Variants in DLGAP1 observed in about 807,000 individuals in gnomAD.
DLGAP1 encodes DLG associated protein 1, also known as disks large-associated protein 1.
DLGAP1 carries 11 observed loss-of-function variants against 90.8 expected under a neutral mutation model. That is an observed-to-expected ratio of 0.12 (90% CI 0.08 to 0.20). DLGAP1 has a LOEUF of 0.20. Ranked by LOEUF, DLGAP1 falls within the 10% of genes least tolerant of loss-of-function variation. The pLI is 1.00. For synonymous variants in DLGAP1, 558 were observed against 540.7 expected (o/e 1.03, Z -0.44); for missense variants, 1,050 against 1,333.8 (o/e 0.79, Z 3.31).
chr18:4,094,599 TTCTC>T (rs927082433), intron 2 of DLGAP1, among the ~76,000 whole-genome samples: 14 of 144,626 alleles, frequency 9.7e-5, no homozygotes, highest in Non-Finnish European at 1.7e-4. Context: ...CTTCCTTCCT[TTCTC>T]TTTCTTTTTT....
chr18:4,103,577 T>A (rs183462556), intron 2 of DLGAP1, among the ~76,000 whole-genome samples: 1 of 152,280 alleles, frequency 6.6e-6, no homozygotes, highest in African/African-American at 2.4e-5. Flanking sequence ...TTTTCTCCTG[T>A]CACCCCACTA....
chr18:4,394,478 A>C (rs2082400407), intron 1 of DLGAP1, among the ~76,000 whole-genome samples: 1 of 152,208 alleles, frequency 6.6e-6, no homozygotes, highest in South Asian at 2.1e-4. Flanking sequence ...TAACATAAAA[A>C]TCCAGAAAAA....
At chr18:4,253,469 GGCACAATCTCT>G (rs1211154488) in intron 1 of DLGAP1, among the ~76,000 whole-genome samples, 1 of 152,106 alleles carries the variant, frequency 6.6e-6, no homozygotes, top group Non-Finnish European at 1.5e-5. Flanking sequence ...GGAGTGCAGT[GGCACAATCTCT>G]GCTCACTGCA....
intron 7 of DLGAP1, among the ~76,000 whole-genome samples, chr18:3,646,791 G>A (rs1046235614): frequency 8.5e-5 from 13 of 152,178 alleles, no homozygotes; most frequent in South Asian, 2.1e-4. Context: ...CGGGCGTGGT[G>A]GTGGGCGCCT....
At chr18:3,597,721 C>T (rs2056663295) in intron 7 of DLGAP1, 1 of 159,148 alleles carries the variant, frequency 6.3e-6, no homozygotes, top group Non-Finnish European at 1.4e-5. Context: ...CCGGCTCAAA[C>T]CTCCAAACCT....
intron 2 of DLGAP1, among the ~76,000 whole-genome samples, chr18:4,062,796 T>G (rs1392884190): frequency 6.6e-6 from 1 of 152,052 alleles, no homozygotes; most frequent in Non-Finnish European, 1.5e-5. Context: ...TCCCATCAAT[T>G]GTTTTAACTT....
At chr18:3,989,109 G>A (rs1057441253) in intron 3 of DLGAP1, among the ~76,000 whole-genome samples, 8 of 152,230 alleles carry the variant, frequency 5.3e-5, no homozygotes, top group African/African-American at 1.9e-4. Flanking sequence ...CGGTCCCTAT[G>A]CTCCTGGAGG....
At chr18:3,709,126 T>G (rs1348207249) in intron 7 of DLGAP1, among the ~76,000 whole-genome samples, 1 of 152,208 alleles carries the variant, frequency 6.6e-6, no homozygotes, top group Non-Finnish European at 1.5e-5. Context: ...AAAGTGCTCC[T>G]ATAAATATAC....
chr18:4,158,333 C>CA (rs2076790296), intron 1 of DLGAP1, among the ~76,000 whole-genome samples: 1 of 151,990 alleles, frequency 6.6e-6, no homozygotes, highest in Admixed American at 6.6e-5. Flanking sequence ...TAGAAAAAGT[C>CA]AAGAGGGGAA....
intron 3 of DLGAP1, among the ~76,000 whole-genome samples, chr18:3,889,590 T>C (rs994297465): frequency 2.0e-5 from 3 of 152,160 alleles, no homozygotes; most frequent in African/African-American, 7.2e-5. Context: ...TGACACCTGC[T>C]TTTGGGAATT....
At chr18:3,509,443 G>A (rs2050416486) in intron 10 of DLGAP1, among the ~76,000 whole-genome samples, 1 of 152,188 alleles carries the variant, frequency 6.6e-6, no homozygotes, top group Non-Finnish European at 1.5e-5. Flanking sequence ...TGCTCAGACC[G>A]AGCGGAGCTG....
chr18:4,180,636 A>C (rs1185231191), intron 1 of DLGAP1, among the ~76,000 whole-genome samples: 1 of 152,214 alleles, frequency 6.6e-6, no homozygotes, highest in Non-Finnish European at 1.5e-5. Flanking sequence ...TAGTACAAAG[A>C]ATATGCATAC....
chr18:3,990,389 A>G (rs920575784), intron 3 of DLGAP1, among the ~76,000 whole-genome samples: 4 of 151,560 alleles, frequency 2.6e-5, no homozygotes, highest in African/African-American at 7.3e-5. Context: ...AAGGACAAAA[A>G]AACCAAACAC....
chr18:3,821,258 C>G (rs149583835), intron 4 of DLGAP1, among the ~76,000 whole-genome samples: 1 of 141,980 alleles, frequency 7.0e-6, no homozygotes, highest in African/African-American at 2.6e-5. Context: ...CCACCACTCT[C>G]CAGCTGGCCG....
intron 9 of DLGAP1, among the ~76,000 whole-genome samples, chr18:3,559,080 G>A (rs780826057): frequency 6.6e-6 from 1 of 152,162 alleles, no homozygotes; most frequent in Non-Finnish European, 1.5e-5. Context: ...CTCCATTGCT[G>A]AAAATGGCAA....
intron 9 of DLGAP1, among the ~76,000 whole-genome samples, chr18:3,538,939 T>C (rs912695375): frequency 6.6e-6 from 1 of 152,220 alleles, no homozygotes; most frequent in African/African-American, 2.4e-5. Flanking sequence ...TACTTGGCAG[T>C]AGATTAATAG....
chr18:4,036,599 C>T (rs547278816), intron 2 of DLGAP1, among the ~76,000 whole-genome samples: 79 of 152,280 alleles, frequency 5.2e-4, no homozygotes, highest in Non-Finnish European at 9.7e-4. Context: ...ACTGAACATG[C>T]GTTCTAAATA....
At chr18:4,340,475 T>A (rs1485673035) in intron 1 of DLGAP1, among the ~76,000 whole-genome samples, 2 of 152,200 alleles carry the variant, frequency 1.3e-5, no homozygotes, top group African/African-American at 2.4e-5. Context: ...AATGGAAGCA[T>A]GGATAAGGGG....
At chr18:4,389,965 CATTTA>C (rs1328522615) in intron 1 of DLGAP1, among the ~76,000 whole-genome samples, 2 of 152,144 alleles carry the variant, frequency 1.3e-5, no homozygotes, top group African/African-American at 4.8e-5. Context: ...AAGATTAATT[CATTTA>C]ATTTAACTGA....
Sources: allele counts gnomAD v4.1 joint callset (sites outside exome capture counted in the v4.1 genomes callset), GRCh38; gene constraint gnomAD v4.1.1; transcripts MANE v1.5; gene names NCBI Gene and HGNC (gene_info 2026-07-23, HGNC 2026-07-21).